RALGAPA1: variants seen among roughly 807,000 people sequenced by gnomAD.
RALGAPA1 encodes Ral GTPase activating protein catalytic subunit alpha 1.
A neutral mutation model predicts 269.6 loss-of-function variants in RALGAPA1; 52 were observed. The observed-to-expected ratio is 0.19, with a 90% CI of 0.15 to 0.24. The LOEUF is 0.24. Among genes scored for constraint, RALGAPA1 ranks in the 10% least tolerant of loss-of-function variants. RALGAPA1 has a pLI of 1.00. For synonymous variants in RALGAPA1, 817 were observed against 1,008.3 expected (o/e 0.81, Z 3.60); for missense variants, 1,917 against 3,013.9 (o/e 0.64, Z 8.52).
intron 17 of RALGAPA1, among the ~76,000 whole-genome samples, chr14:35,690,929 C>T (rs2066423692): frequency 6.6e-6 from 1 of 151,896 alleles, no homozygotes; most frequent in Non-Finnish European, 1.5e-5. Flanking sequence ...ACTAGCCGGG[C>T]GTGGTGGTGC....
chr14:35,687,854 C>CAT (rs1351812078), intron 18 of RALGAPA1, among the ~76,000 whole-genome samples: 2 of 152,298 alleles, frequency 1.3e-5, no homozygotes, highest in Middle Eastern at 3.4e-3. Context: ...TAAAAGCCTA[C>CAT]AGCATGTTTG....
intron 34 of RALGAPA1, among the ~76,000 whole-genome samples, chr14:35,626,616 C>A (rs1052500085): frequency 1.3e-5 from 2 of 152,114 alleles, no homozygotes; most frequent in African/African-American, 4.8e-5. Context: ...TTGTTCTTTT[C>A]ATTTAGCTCC....
At chr14:35,791,378 T>C (rs2076156630) in intron 1 of RALGAPA1, among the ~76,000 whole-genome samples, 1 of 152,032 alleles carries the variant, frequency 6.6e-6, no homozygotes, top group Admixed American at 6.6e-5. Flanking sequence ...CCAAGGCAGG[T>C]GGATCACCTT....
intron 37 of RALGAPA1, among the ~76,000 whole-genome samples, chr14:35,582,508 G>C (rs888403092): frequency 2.0e-5 from 3 of 152,260 alleles, no homozygotes; most frequent in Admixed American, 6.5e-5. Context: ...GATAATTACA[G>C]CTGACTGATG....
intron 3 of RALGAPA1, among the ~76,000 whole-genome samples, chr14:35,773,763 G>C (rs1463757115): frequency 6.6e-6 from 1 of 151,894 alleles, no homozygotes; most frequent in Non-Finnish European, 1.5e-5. Flanking sequence ...ATTAACTGCA[G>C]AACAGATACT....
chr14:35,768,966 C>T (rs1186361844), intron 4 of RALGAPA1, among the ~76,000 whole-genome samples: 1 of 120,974 alleles, frequency 8.3e-6, no homozygotes, highest in African/African-American at 3.2e-5. Flanking sequence ...CGAGATAGTG[C>T]CACTGTACTC....
chr14:35,682,862 G>A (rs771675856), intron 21 of RALGAPA1, among the ~76,000 whole-genome samples: 11 of 152,086 alleles, frequency 7.2e-5, no homozygotes, highest in Admixed American at 1.3e-4. Context: ...TCTGCAATGG[G>A]GCTGCTAAAG....
intron 7 of RALGAPA1, among the ~76,000 whole-genome samples, chr14:35,753,851 T>C (rs1227196069): frequency 6.6e-6 from 1 of 152,170 alleles, no homozygotes; most frequent in East Asian, 1.9e-4. Context: ...CATATCTCAA[T>C]AAAGCTGTTT....
In RALGAPA1 at chr14:35,607,839, G is replaced by A. The variant is rs1341355511; in HGVS notation, c.6930-2130C>T. The stretch of plus-strand genomic sequence containing the variant: ...TTTAATAGAATCAGGAAACGAGACA[G>A]CCAAGAAGGACCCTTTGGGGATCAC... On this transcript the variant is annotated intron_variant, in intron 35 of 41. Coordinates refer to ENST00000680220, the MANE Select transcript of RALGAPA1 (RefSeq NM_001346249.2). 2.6e-5 allele frequency among the ~76,000 whole-genome samples: 4 copies of A among 152,190 alleles called. No homozygotes were observed. The East Asian group carries it at 7.7e-4, about 29-fold the overall frequency.
At chr14:35,604,455 AT>A (rs900729052) in intron 36 of RALGAPA1, among the ~76,000 whole-genome samples, 29 of 152,128 alleles carry the variant, frequency 1.9e-4, no homozygotes, top group African/African-American at 6.5e-4. Context: ...TAATAAAAAA[AT>A]AGGTTAGATT....
chr14:35,571,666 C>T (rs1018884326), intron 38 of RALGAPA1, among the ~76,000 whole-genome samples: 1 of 152,020 alleles, frequency 6.6e-6, no homozygotes, highest in African/African-American at 2.4e-5. Flanking sequence ...AGAGCGAGAG[C>T]CAGACTCCGT....
At chr14:35,777,938 T>C (rs2075157405) in intron 1 of RALGAPA1, among the ~76,000 whole-genome samples, 1 of 152,104 alleles carries the variant, frequency 6.6e-6, no homozygotes, top group Non-Finnish European at 1.5e-5. Context: ...AAGTTAAAGG[T>C]AAACATCAAT....
chr14:35,543,426 T>C (rs1467110229), intron 41 of RALGAPA1, among the ~76,000 whole-genome samples: 2 of 152,182 alleles, frequency 1.3e-5, no homozygotes, highest in Non-Finnish European at 2.9e-5. Context: ...AAAATATTAT[T>C]GTTCAAATGT....
Position 35,681,792 on chromosome 14 carries a change from G to A in RALGAPA1, c.4471+2017C>T, listed in dbSNP as rs557492041. ...TAAAGTTTTCTTATGCCCATCTGTA[G>A]TCGATCCCCTCAACTGACACCTATC... On this transcript the variant is annotated intron_variant, in intron 21 of 41. Coordinates refer to ENST00000680220, the MANE Select transcript of RALGAPA1 (RefSeq NM_001346249.2). 3.9e-5 allele frequency among the ~76,000 whole-genome samples: 6 copies of A among 152,238 alleles called. No homozygotes were observed. In the South Asian group the frequency reaches 1.0e-3, roughly 26 times the overall value.
chr14:35,772,545 T>C (rs769789675), intron 3 of RALGAPA1, among the ~76,000 whole-genome samples: 1 of 152,224 alleles, frequency 6.6e-6, no homozygotes, highest in Non-Finnish European at 1.5e-5. Context: ...TCAATACTCA[T>C]CCACTTGCTG....
intron 12 of RALGAPA1, among the ~76,000 whole-genome samples, chr14:35,738,081 C>T (rs2071195816): frequency 6.9e-6 from 1 of 144,918 alleles, no homozygotes; most frequent in Non-Finnish European, 1.5e-5. Context: ...AGAGCGAAAA[C>T]TCCATCTCAA....
chr14:35,539,461 C>T lies in RALGAPA1; in HGVS notation c.*253G>A, dbSNP rs1401799081. 12 of 1,366,372 alleles carry T rather than the reference C, an allele frequency of 8.8e-6. No individual in the cohort carries two copies. The African/African-American group carries it at 1.6e-4, about 18-fold the overall frequency. The allele number at this position is 1,366,372 out of a possible 1,614,324, so 84.6% of individuals were successfully genotyped here. A position where few individuals can be genotyped will look rare whatever the true frequency, so the allele number is the denominator to read the frequency against. On this transcript the variant is annotated 3_prime_UTR_variant, in exon 42 of 42. Coordinates refer to ENST00000680220, the MANE Select transcript of RALGAPA1 (RefSeq NM_001346249.2). ...ACAGGAAGAAACATGCATGTTATGG[C>T]AGACATGAAGGCCTGAAAGGGTTAA...
chr14:35,551,364 G>T (rs1306699199), intron 39 of RALGAPA1, among the ~76,000 whole-genome samples: 1 of 152,126 alleles, frequency 6.6e-6, no homozygotes, highest in Admixed American at 6.5e-5. Context: ...CTCTATGCAT[G>T]CTGGCACTGA....
chr14:35,652,448 A>C (rs1423378160), intron 30 of RALGAPA1, among the ~76,000 whole-genome samples: 2 of 151,730 alleles, frequency 1.3e-5, no homozygotes, highest in African/African-American at 2.4e-5. Flanking sequence ...TTTGAGATGG[A>C]GTCTCACTCA....
Sources: gnomAD v4.1 joint callset for allele counts (sites outside exome capture counted in the v4.1 genomes callset) on GRCh38, gnomAD v4.1.1 for gene constraint, MANE v1.5 for transcripts, NCBI Gene and HGNC (gene_info 2026-07-23, HGNC 2026-07-21) for gene names.